BTC: variants seen among roughly 807,000 people sequenced by gnomAD.
BTC encodes betacellulin.
BTC carries 13 observed loss-of-function variants against 18.1 expected under a neutral mutation model. The observed-to-expected ratio is 0.72, with a 90% CI of 0.47 to 1.14. BTC has a LOEUF of 1.14. Among genes scored for constraint, BTC ranks in the 50% most tolerant of loss-of-function variants. The pLI is 0.00. For synonymous variants in BTC, 83 were observed against 79.4 expected (o/e 1.05, Z -0.24); for missense variants, 247 against 224.2 (o/e 1.10, Z -0.65).
At chr4:74,789,068 C>T (rs1038589587) in intron 1 of BTC, among the ~76,000 whole-genome samples, 18 of 152,232 alleles carry the variant, frequency 1.2e-4, no homozygotes, top group Non-Finnish European at 2.4e-4. Flanking sequence ...CCTAGAAGGA[C>T]TTCCTGGACT....
intron 2 of BTC, among the ~76,000 whole-genome samples, chr4:74,766,082 GATATAAAAGTTT>G (rs1409137343): frequency 1.3e-5 from 2 of 151,932 alleles, no homozygotes; most frequent in Admixed American, 6.6e-5. Flanking sequence ...GTAAAAATAT[GATATAAAAGTTT>G]GCAAATAGTA....
chr4:74,748,679 G>A (rs1724364330), intron 4 of BTC, among the ~76,000 whole-genome samples: 1 of 152,168 alleles, frequency 6.6e-6, no homozygotes, highest in South Asian at 2.1e-4. Flanking sequence ...GTTAGCAGAA[G>A]AAAATTTTTC....
chr4:74,783,724 G>A (rs1265532518), intron 1 of BTC, among the ~76,000 whole-genome samples: 1 of 151,384 alleles, frequency 6.6e-6, no homozygotes, highest in Non-Finnish European at 1.5e-5. Context: ...CCATTGTCAT[G>A]ATATTGATTC....
rs1164552763 is a variant in BTC at position 74,746,313 on chromosome 4, G to A, written c.*364C>T. 1 of 152,182 alleles carries A rather than the reference G, an allele frequency of 6.6e-6. No individual in the cohort carries two copies. The highest frequency in any genetic ancestry group is 2.4e-5 in the African/African-American group (1 of 41,412). 9.4% of individuals were successfully genotyped at this position (152,182 alleles called of 1,614,324 possible). ...ATATATTTCAAACTTATTAGCACAT[G>A]GTAAATGCTTGATAAATGGTAGCTT... On this transcript the variant is annotated 3_prime_UTR_variant, in exon 6 of 6. Coordinates refer to ENST00000395743, the MANE Select transcript of BTC (RefSeq NM_001729.4).
At chr4:74,765,658 C>T (rs1173603261) in intron 2 of BTC, among the ~76,000 whole-genome samples, 1 of 151,114 alleles carries the variant, frequency 6.6e-6, no homozygotes, top group East Asian at 1.9e-4. Context: ...AAACATAAAC[C>T]CAAAGAAATC....
intron 1 of BTC, among the ~76,000 whole-genome samples, chr4:74,780,917 T>C (rs936081466): frequency 6.6e-6 from 1 of 151,648 alleles, no homozygotes; most frequent in Non-Finnish European, 1.5e-5. Flanking sequence ...TTTAATTTTA[T>C]TATTATTATA....
chr4:74,781,341 T>A (rs1389953422), intron 1 of BTC, among the ~76,000 whole-genome samples: 5 of 151,976 alleles, frequency 3.3e-5, no homozygotes, highest in South Asian at 4.1e-4. Flanking sequence ...AGCCAAAGCT[T>A]GTCTCTTTTC....
intron 4 of BTC, among the ~76,000 whole-genome samples, chr4:74,749,684 T>TTGTG (rs1396933944): frequency 7.8e-4 from 98 of 126,050 alleles, no homozygotes; most frequent in African/African-American, 2.7e-3. Context: ...AGATAGTTTT[T>TTGTG]TTTGTTGTTG....
At chr4:74,792,528 A>C (rs1725660559) in intron 1 of BTC, among the ~76,000 whole-genome samples, 1 of 151,974 alleles carries the variant, frequency 6.6e-6, no homozygotes, top group Non-Finnish European at 1.5e-5. Flanking sequence ...TCACCTTTAA[A>C]CCATTGTTTG....
rs1444055266 is a variant in BTC, at chr4:74,786,325, A to T, written c.64+7937T>A. Among the ~76,000 whole-genome samples, 5 of 152,250 alleles carry T rather than the reference A, an allele frequency of 3.3e-5. 1 individual carries two copies. The highest frequency in any genetic ancestry group is 7.3e-5 in the Non-Finnish European group (5 of 68,038). On this transcript the variant is annotated intron_variant, in intron 1 of 5. Coordinates refer to ENST00000395743, the MANE Select transcript of BTC (RefSeq NM_001729.4). Reference sequence around the variant, plus strand: ...TATTCTAGGATGGCCTGGACCATGCAGCTCACTCCAAAGATTAGAGAACAA... The same window carrying T: ...TATTCTAGGATGGCCTGGACCATGCTGCTCACTCCAAAGATTAGAGAACAA...
chr4:74,762,430 T>C (rs1553957413), intron 2 of BTC, among the ~76,000 whole-genome samples: 1 of 152,186 alleles, frequency 6.6e-6, no homozygotes, highest in Non-Finnish European at 1.5e-5. Flanking sequence ...TGAATTTATA[T>C]ACATAAAGCA....
At chr4:74,767,514 T>C (rs1724931548) in intron 2 of BTC, among the ~76,000 whole-genome samples, 1 of 151,984 alleles carries the variant, frequency 6.6e-6, no homozygotes, top group Non-Finnish European at 1.5e-5. Context: ...CCCAAAGTGA[T>C]CTACAGACTG....
At position 74,794,332 on chromosome 4, in the gene BTC, C is replaced by G; in HGVS notation, c.-7G>C. ...ACCGGGCGGCCCGGTCCATCAACCC[C>G]GCTCTGCCGGGCCGGGCAGCCCCTA... On this transcript the variant is annotated 5_prime_UTR_variant, in exon 1 of 6. Coordinates refer to ENST00000395743, the MANE Select transcript of BTC (RefSeq NM_001729.4). 3.2e-6 allele frequency: 5 copies of G among 1,544,084 alleles called. No homozygotes were observed. The South Asian group carries it at 4.8e-5, about 15-fold the overall frequency.
intron 1 of BTC, among the ~76,000 whole-genome samples, chr4:74,778,809 G>A (rs1725244375): frequency 6.6e-6 from 1 of 152,138 alleles, no homozygotes; most frequent in Non-Finnish European, 1.5e-5. Flanking sequence ...ATGGGGAGGA[G>A]CTGACCAAGA....
At chr4:74,770,231 C>G (rs1294429982) in intron 1 of BTC, 75 bp from the exon 2 acceptor site, 2 of 1,105,086 alleles carry the variant, frequency 1.8e-6, no homozygotes, top group African/African-American at 3.2e-5. Flanking sequence ...AAGTCATCAC[C>G]CATTTCACCC....
At chr4:74,767,394 C>A (rs1244569615) in intron 2 of BTC, among the ~76,000 whole-genome samples, 2 of 151,898 alleles carry the variant, frequency 1.3e-5, no homozygotes, top group Non-Finnish European at 2.9e-5. Flanking sequence ...GACTTGCACA[C>A]TGAAAACTAT....
At chr4:74,762,421 G>T (rs1363307774) in intron 2 of BTC, among the ~76,000 whole-genome samples, 1 of 152,144 alleles carries the variant, frequency 6.6e-6, no homozygotes, top group Non-Finnish European at 1.5e-5. Flanking sequence ...AGGATTAAAT[G>T]AATTTATATA....
intron 2 of BTC, among the ~76,000 whole-genome samples, chr4:74,758,656 T>G (rs1234018062): frequency 3.3e-5 from 5 of 152,028 alleles, no homozygotes; most frequent in Non-Finnish European, 7.4e-5. Context: ...CCATGCAGAG[T>G]GTGATACCAA....
chr4:74,772,623 G>C (rs1459119288), intron 1 of BTC, among the ~76,000 whole-genome samples: 1 of 149,552 alleles, frequency 6.7e-6, no homozygotes, highest in African/African-American at 2.5e-5. Context: ...GCAGTAATAG[G>C]AGACCTTAAT....
Sources: gnomAD v4.1 joint callset for allele counts (sites outside exome capture counted in the v4.1 genomes callset) on GRCh38, gnomAD v4.1.1 for gene constraint, MANE v1.5 for transcripts, NCBI Gene and HGNC (gene_info 2026-07-23, HGNC 2026-07-21) for gene names.